WDR35: variants seen among roughly 807,000 people sequenced by gnomAD.
The protein encoded by WDR35 is WD repeat-containing protein 35.
In WDR35, 118 loss-of-function variants were observed where a neutral mutation model predicts 158.3. That is an observed-to-expected ratio of 0.75 (90% CI 0.64 to 0.87). The LOEUF is 0.87. WDR35 is among the 40% of genes least tolerant of loss of function. The pLI is 0.00. For missense variants in WDR35, 1,263 were observed against 1,405.8 expected, an observed-to-expected ratio of 0.90 and a Z score of 1.62; for synonymous variants, 448 against 476.1, an observed-to-expected ratio of 0.94 and a Z score of 0.77.
chr2:19,942,855 C>T (rs1670921090), intron 16 of WDR35, among the ~76,000 whole-genome samples: 1 of 152,054 alleles, frequency 6.6e-6, no homozygotes, highest in Admixed American at 6.6e-5. Flanking sequence ...AGCAGGGTCT[C>T]ACCTAACCAG....
intron 16 of WDR35, among the ~76,000 whole-genome samples, chr2:19,945,401 A>G (rs1242768723): frequency 1.3e-5 from 2 of 152,192 alleles, no homozygotes; most frequent in African/African-American, 2.4e-5. Context: ...GAATGAATGG[A>G]CAAGGAAATT....
chr2:19,923,783 G>A (rs1473470647), intron 25 of WDR35, among the ~76,000 whole-genome samples: 4 of 152,116 alleles, frequency 2.6e-5, no homozygotes, highest in Non-Finnish European at 4.4e-5. Flanking sequence ...CCAGAACAAC[G>A]GGGAAATATT....
intron 10 of WDR35, among the ~76,000 whole-genome samples, chr2:19,965,180 C>T (rs1671810081): frequency 6.6e-6 from 1 of 152,220 alleles, no homozygotes. Flanking sequence ...GCCTTGGTCT[C>T]TCAAAGTGCT....
intron 16 of WDR35, among the ~76,000 whole-genome samples, chr2:19,944,565 T>C (rs1670985708): frequency 6.6e-6 from 1 of 152,130 alleles, no homozygotes; most frequent in Non-Finnish European, 1.5e-5. Flanking sequence ...ATTCCCACAA[T>C]TGTTTTGTGG....
At chr2:19,926,775 A>C (rs1432492335) in intron 25 of WDR35, among the ~76,000 whole-genome samples, 1 of 152,234 alleles carries the variant, frequency 6.6e-6, no homozygotes, top group East Asian at 1.9e-4. Flanking sequence ...TAAAATAATA[A>C]CTTGGGGTAG....
rs369745873 is a variant in WDR35, at chr2:19,948,156, A to T, written c.1524+8T>A. ...ATTATTCATAAAATAAGTTTTTGCA[A>T]AACTTACCACAATCAATATCTTATC... On this transcript the variant is annotated splice_region_variant and intron_variant, in intron 14 of 26. Coordinates refer to ENST00000281405, the MANE Select transcript of WDR35 (RefSeq NM_020779.4). 19 of 1,604,834 alleles carry T rather than the reference A, an allele frequency of 1.2e-5. No homozygotes were observed. Among genetic ancestry groups the T allele is most frequent in the Non-Finnish European group, 1.6e-5 (19 of 1,176,154 alleles).
rs1670582639 is a variant in WDR35 at position 19,933,305 on chromosome 2, T to C, written c.2658+96A>G. ...GGCTCTCCAACCCTTACATTGGCAA[T>C]AATCTTTAAAAGATCACTAGGGTGA... On this transcript the variant is annotated intron_variant, in intron 22 of 26. Coordinates refer to ENST00000281405, the MANE Select transcript of WDR35 (RefSeq NM_020779.4). 1.1e-5 allele frequency: 11 copies of C among 995,116 alleles called. No individual in the cohort carries two copies. The South Asian group carries it at 1.5e-4, about 13-fold the overall frequency. 61.6% of individuals were successfully genotyped at this position (995,116 alleles called of 1,614,324 possible).
chr2:19,944,292 TA>T (rs1028898806), intron 16 of WDR35, among the ~76,000 whole-genome samples: 1 of 152,028 alleles, frequency 6.6e-6, no homozygotes, highest in African/African-American at 2.4e-5. Context: ...AAATTCAAAT[TA>T]AAAAACAGTA....
At chr2:19,946,141 A>G in intron 15 of WDR35, 145 bp from the exon 16 acceptor site, 3 of 905,744 alleles carry the variant, frequency 3.3e-6, no homozygotes, top group Non-Finnish European at 4.9e-6. Context: ...ATTTTGTTAA[A>G]TAAATTTGAT....
chr2:19,938,034 T>C (rs1404283035), intron 18 of WDR35, 88 bp from the exon 19 acceptor site: 2 of 1,487,708 alleles, frequency 1.3e-6, no homozygotes, highest in Admixed American at 3.7e-5. Flanking sequence ...ATCATTTATG[T>C]CTATTATTTC....
intron 11 of WDR35, among the ~76,000 whole-genome samples, chr2:19,958,195 C>T (rs1671510197): frequency 6.6e-6 from 1 of 152,224 alleles, no homozygotes; most frequent in South Asian, 2.1e-4. Flanking sequence ...TGCCCATGTG[C>T]TCCCACTAAA....
Position 19,930,385 on chromosome 2 carries a change from G to A in WDR35, c.3121+11C>T. Reference sequence around the variant, plus strand: ...TTCAGACATACTATACACATTAGGTGACATGCCCACCTGTCTTCAGTGCAG... The same window carrying A: ...TTCAGACATACTATACACATTAGGTAACATGCCCACCTGTCTTCAGTGCAG... On this transcript the variant is annotated intron_variant, in intron 25 of 26. Transcript: ENST00000281405. The A allele has an allele frequency of 1.2e-6, 2 of 1,614,120 alleles. No individual in the cohort carries two copies. The highest frequency in any genetic ancestry group is 1.7e-6 in the Non-Finnish European group (2 of 1,179,996).
chr2:19,944,564 A>C lies in WDR35; in HGVS notation c.1845+1222T>G, dbSNP rs535691800. Among the ~76,000 whole-genome samples, 6 of 152,092 alleles carry C rather than the reference A, an allele frequency of 3.9e-5. No individual in the cohort carries two copies. The East Asian group carries it at 9.6e-4, about 24-fold the overall frequency. On this transcript the variant is annotated intron_variant, in intron 16 of 26. Coordinates refer to ENST00000281405, the MANE Select transcript of WDR35 (RefSeq NM_020779.4). Reference sequence around the variant, plus strand: ...GTGGATTACCTGTCAAATTCCCACAATTGTTTTGTGGCAAGGATTAAATTT... The same window carrying C: ...GTGGATTACCTGTCAAATTCCCACACTTGTTTTGTGGCAAGGATTAAATTT...
chr2:19,932,301 T>A lies in WDR35; in HGVS notation c.2805A>T (p.Ala935=), dbSNP rs533645632. ...LYRKANYFFD[A]AKLMFKIADE... Reference sequence around the variant, plus strand: ...ACATTACCTTAAACATCAGTTTAGCTGCATCAAAAAAGTAATTGGCTTTCC... The same window carrying A: ...ACATTACCTTAAACATCAGTTTAGCAGCATCAAAAAAGTAATTGGCTTTCC... Residue 935 remains alanine, a synonymous_variant, in exon 23 of 27, where the codon GCA becomes GCT. Transcript: ENST00000281405. 2 of 1,613,314 alleles carry A rather than the reference T, an allele frequency of 1.2e-6. No homozygotes were observed. Among genetic ancestry groups the A allele is most frequent in the East Asian group, 4.5e-5 (2 of 44,702 alleles).
chr2:19,914,321 T>A, intron 25 of WDR35, 44 bp from the exon 26 acceptor site: 1 of 1,610,584 alleles, frequency 6.2e-7, no homozygotes, highest in Non-Finnish European at 8.5e-7. Context: ...ATAATTATTA[T>A]GATATCATGA....
chr2:19,967,928 G>A (rs1481861745), intron 9 of WDR35, among the ~76,000 whole-genome samples: 1 of 152,060 alleles, frequency 6.6e-6, no homozygotes, highest in African/African-American at 2.4e-5. Context: ...ATCTTTTCCA[G>A]AATGTCCTTT....
At chr2:19,974,697 T>G in intron 6 of WDR35, 64 bp from the exon 7 acceptor site, 2 of 1,460,804 alleles carry the variant, frequency 1.4e-6, no homozygotes, top group Non-Finnish European at 1.9e-6. Context: ...GAGACAATAC[T>G]CAATAGAGTA....
Position 19,946,536 on chromosome 2 carries a change from A to G in WDR35, c.1559T>C (p.Leu520Pro), listed in dbSNP as rs397515533. The part of the protein sequence containing the change: ...RESGTIQRYS[L>P]PNVGLIQKYS... ...TTTTTGAATCAAACCAACATTAGGT[A>G]GACTGTATCTCTGAATGGTGCCAGA... Residue 520 changes from leucine (L) to proline (P), a missense_variant, in exon 15 of 27, where the codon CTA becomes CCA. Coordinates refer to ENST00000281405, the MANE Select transcript of WDR35 (RefSeq NM_020779.4). 6.2e-7 allele frequency: 1 copy of G among 1,613,576 alleles called. No individual in the cohort carries two copies. Among genetic ancestry groups the G allele is most frequent in the African/African-American group, 1.3e-5 (1 of 74,918 alleles).
chr2:19,930,549 T>C lies in WDR35; in HGVS notation c.2968A>G (p.Thr990Ala), dbSNP rs1184414721. The part of the protein sequence containing the change: ...GKVKGKSSEA[T>A]SALAGLLEEE... ...TCCAGCAAACCAGCCAAGGCAGAAGTGGCCTACGAGTAAAGTCAGCCCACA... is the reference window on the plus strand; with the variant it reads ...TCCAGCAAACCAGCCAAGGCAGAAGCGGCCTACGAGTAAAGTCAGCCCACA... Residue 990 changes from threonine to alanine, a missense_variant, in exon 25 of 27, where the codon ACT (threonine) becomes GCT (alanine). Coordinates refer to ENST00000281405, the MANE Select transcript of WDR35 (RefSeq NM_020779.4). The C allele has an allele frequency of 1.2e-6, 2 of 1,613,972 alleles. No individual in the cohort carries two copies. Among genetic ancestry groups the C allele is most frequent in the Non-Finnish European group, 1.7e-6 (2 of 1,180,022 alleles).
Sources: gnomAD v4.1 joint callset for allele counts (sites outside exome capture counted in the v4.1 genomes callset) on GRCh38, gnomAD v4.1.1 for gene constraint, MANE v1.5 for transcripts, NCBI Gene and HGNC (gene_info 2026-07-23, HGNC 2026-07-21) for gene names.